Variants in UBE3D observed in about 807,000 individuals in gnomAD.
The protein encoded by UBE3D is ubiquitin protein ligase E3D, also known as E3 ubiquitin-protein ligase E3D.
UBE3D carries 48 observed loss-of-function variants against 49.6 expected under a neutral mutation model. The observed-to-expected ratio is 0.97, with a 90% CI of 0.77 to 1.23. The LOEUF (loss-of-function observed/expected upper bound fraction) is 1.23. Among genes scored for constraint, UBE3D ranks in the 50% most tolerant of loss-of-function variants. The probability of loss-of-function intolerance (pLI) is 0.00; values close to 1 mark genes in which losing one functional copy is unlikely to be tolerated. For synonymous variants in UBE3D, 189 were observed against 174.2 expected (o/e 1.08, Z -0.67); for missense variants, 452 against 468.4 (o/e 0.96, Z 0.32).
At chr6:83,060,697 G>C (rs1784117660) in intron 1 of UBE3D, among the ~76,000 whole-genome samples, 1 of 152,302 alleles carries the variant, frequency 6.6e-6, no homozygotes, top group Admixed American at 6.5e-5. Flanking sequence ...AACAGGGAAA[G>C]AATGAAATAT....
intron 8 of UBE3D, among the ~76,000 whole-genome samples, chr6:82,959,714 C>T (rs1288696140): frequency 8.8e-6 from 1 of 113,660 alleles, no homozygotes; most frequent in African/African-American, 3.5e-5. Flanking sequence ...TCAGTGAGAC[C>T]TCCAAAAAAA....
At chr6:82,998,347 T>G (rs1249279551) in intron 8 of UBE3D, among the ~76,000 whole-genome samples, 6 of 152,222 alleles carry the variant, frequency 3.9e-5, no homozygotes, top group Admixed American at 2.6e-4. Flanking sequence ...TTTTCAACCT[T>G]AATGTCTAAA....
At chr6:82,908,724 G>A (rs555140171) in intron 9 of UBE3D, among the ~76,000 whole-genome samples, 1 of 152,236 alleles carries the variant, frequency 6.6e-6, no homozygotes, top group East Asian at 1.9e-4. Flanking sequence ...GATGGATGGG[G>A]TATAGGACTT....
At chr6:83,023,467 T>TA (rs1352751902) in intron 6 of UBE3D, among the ~76,000 whole-genome samples, 1 of 152,212 alleles carries the variant, frequency 6.6e-6, no homozygotes, top group Non-Finnish European at 1.5e-5. Context: ...AAGGTATGAA[T>TA]AAAAATGAAT....
At chr6:82,930,245 C>T (rs1433443337) in intron 9 of UBE3D, among the ~76,000 whole-genome samples, 2 of 152,182 alleles carry the variant, frequency 1.3e-5, no homozygotes, top group Non-Finnish European at 2.9e-5. Flanking sequence ...GAGGCCTCCC[C>T]AGTCATGCTG....
intron 5 of UBE3D, among the ~76,000 whole-genome samples, chr6:83,034,340 T>C (rs1047161948): frequency 1.3e-5 from 2 of 152,206 alleles, no homozygotes; most frequent in Admixed American, 6.5e-5. Context: ...AATACTACCA[T>C]GGAGATGTTT....
In UBE3D at chr6:82,981,613, T is replaced by C. The variant is rs1337002819; in HGVS notation, c.1011-24163A>G. On this transcript the variant is annotated intron_variant, in intron 8 of 9. Transcript: ENST00000369747. ...GTACTGAACTCCTAGTACTCTGTCA[T>C]CTTTTAATTCCATTATGTTATACAT... Among the ~76,000 whole-genome samples the C allele has an allele frequency of 2.0e-5, 3 of 152,100 alleles. No homozygotes were observed. The East Asian group carries it at 5.8e-4, about 29-fold the overall frequency.
intron 4 of UBE3D, among the ~76,000 whole-genome samples, chr6:83,039,933 C>T (rs1782537573): frequency 1.3e-5 from 2 of 152,208 alleles, no homozygotes; most frequent in African/African-American, 2.4e-5. Context: ...AGCCACCACA[C>T]CAGGCCTACT....
At chr6:82,991,353 C>T (rs527639603) in intron 8 of UBE3D, among the ~76,000 whole-genome samples, 4 of 152,204 alleles carry the variant, frequency 2.6e-5, no homozygotes, top group African/African-American at 9.6e-5. Context: ...TCAATGATAC[C>T]AAGAAGGTGG....
chr6:83,013,214 C>T (rs887693935), intron 8 of UBE3D, among the ~76,000 whole-genome samples: 3 of 152,212 alleles, frequency 2.0e-5, no homozygotes, highest in African/African-American at 7.2e-5. Context: ...CAGTTCAGGT[C>T]ACATTGTGAC....
chr6:83,032,441 T>C (rs1781945596), intron 5 of UBE3D: 1 of 362,332 alleles, frequency 2.8e-6, no homozygotes, highest in South Asian at 2.0e-5. Flanking sequence ...ATGGGTGTAT[T>C]TACCCAATGC....
intron 8 of UBE3D, among the ~76,000 whole-genome samples, chr6:82,990,628 T>A (rs1422651901): frequency 2.0e-5 from 3 of 152,106 alleles, no homozygotes; most frequent in Admixed American, 6.5e-5. Flanking sequence ...AGGTTAAGAA[T>A]CTCCACAGAT....
chr6:82,926,019 AC>A (rs778815597), intron 9 of UBE3D, among the ~76,000 whole-genome samples: 92 of 77,274 alleles, frequency 1.2e-3, no homozygotes, highest in Non-Finnish European at 3.2e-4. Context: ...AAATATCCCC[AC>A]CTCCCTTACT....
intron 8 of UBE3D, among the ~76,000 whole-genome samples, chr6:82,979,035 A>G (rs1400603024): frequency 6.6e-6 from 1 of 152,154 alleles, no homozygotes; most frequent in African/African-American, 2.4e-5. Flanking sequence ...CCTCCCTTAT[A>G]AGACCTGGGA....
Position 83,003,418 on chromosome 6 carries a change from C to T in UBE3D, c.1010+15555G>A, listed in dbSNP as rs1312146939. Among the ~76,000 whole-genome samples, 4 of 152,036 alleles carry T rather than the reference C, an allele frequency of 2.6e-5. No homozygotes were observed. In the South Asian group the frequency reaches 8.3e-4, roughly 32 times the overall value. On this transcript the variant is annotated intron_variant, in intron 8 of 9. Coordinates refer to ENST00000369747, the MANE Select transcript of UBE3D (RefSeq NM_198920.3). ...AAAAAAAAAGCTGACTTTTATTATA[C>T]GTCTTATTTTCTGTCTCTTCTTTTA... is the stretch of plus-strand genomic sequence containing the variant.
At chr6:82,992,833 C>T (rs948900507) in intron 8 of UBE3D, among the ~76,000 whole-genome samples, 1 of 151,998 alleles carries the variant, frequency 6.6e-6, no homozygotes, top group Non-Finnish European at 1.5e-5. Flanking sequence ...CATTCCAGAG[C>T]TTACTTCTAT....
intron 9 of UBE3D, among the ~76,000 whole-genome samples, chr6:82,949,633 C>A (rs542322805): frequency 1.7e-4 from 26 of 152,012 alleles, no homozygotes; most frequent in Non-Finnish European, 2.8e-4. Context: ...GCTATAGTAA[C>A]CAAAATAGCA....
intron 8 of UBE3D, among the ~76,000 whole-genome samples, chr6:82,976,899 G>C (rs866567549): frequency 3.4e-4 from 52 of 152,168 alleles, no homozygotes; most frequent in South Asian, 1.7e-3. Context: ...CAGATCATGA[G>C]GTCAGGAGAT....
At chr6:82,988,642 C>T (rs1223485549) in intron 8 of UBE3D, among the ~76,000 whole-genome samples, 1 of 152,130 alleles carries the variant, frequency 6.6e-6, no homozygotes, top group Non-Finnish European at 1.5e-5. Flanking sequence ...TGGGCTGTCA[C>T]AGCAGAAATA....
Sources: allele counts gnomAD v4.1 joint callset (sites outside exome capture counted in the v4.1 genomes callset), GRCh38; gene constraint gnomAD v4.1.1; transcripts MANE v1.5; gene names NCBI Gene and HGNC (gene_info 2026-07-23, HGNC 2026-07-21).